The following C8orf34 variants were observed in gnomAD, a reference collection of about 807,000 sequenced individuals.
C8orf34 encodes chromosome 8 open reading frame 34, also known as uncharacterized protein C8orf34.
Under a neutral mutation model 68.3 loss-of-function variants are expected in C8orf34, and 65 were observed. The ratio of observed to expected loss-of-function variants is 0.95; its 90% CI spans 0.78 to 1.17. The LOEUF (loss-of-function observed/expected upper bound fraction) is 1.17. Among genes scored for constraint, C8orf34 ranks in the 50% most tolerant of loss-of-function variants. The pLI is 0.00. For synonymous variants in C8orf34, 244 were observed against 241.2 expected, an observed-to-expected ratio of 1.01 and a Z score of -0.11; for missense variants, 664 against 655.4, an observed-to-expected ratio of 1.01 and a Z score of -0.14.
intron 10 of C8orf34, among the ~76,000 whole-genome samples, chr8:68,774,944 TAAAAAAAA>T (rs1224756627): frequency 9.0e-5 from 4 of 44,682 alleles, no homozygotes; most frequent in Non-Finnish European, 1.1e-4. Flanking sequence ...CTGTCTCCAC[TAAAAAAAA>T]AAAAAAAAAA....
chr8:68,794,275 G>A lies in C8orf34; in HGVS notation c.1549+6739G>A, dbSNP rs573920640. ...AAACCTCTGCCTCCAGGGCTCAAGCGATCCTCCCACCTCAGCCTCCCAAGT... is the reference window on the plus strand; with the variant it reads ...AAACCTCTGCCTCCAGGGCTCAAGCAATCCTCCCACCTCAGCCTCCCAAGT... On this transcript the variant is annotated intron_variant, in intron 12 of 13. Transcript: ENST00000518698. Among the ~76,000 whole-genome samples the A allele has an allele frequency of 3.3e-5, 5 of 151,092 alleles. No homozygotes were observed. The South Asian group carries it at 6.3e-4, about 19-fold the overall frequency.
chr8:68,407,823 G>C (rs1211899971), intron 1 of C8orf34, among the ~76,000 whole-genome samples: 1 of 151,836 alleles, frequency 6.6e-6, no homozygotes, highest in Non-Finnish European at 1.5e-5. Flanking sequence ...TTATTACTCA[G>C]TCCTTCCACT....
intron 7 of C8orf34, among the ~76,000 whole-genome samples, chr8:68,560,944 C>CT (rs200031792): frequency 0.027 from 3,871 of 146,012 alleles, 79 homozygotes; most frequent in South Asian, 0.1. Context: ...CTTACTATAA[C>CT]TTTTTTTTTT....
intron 3 of C8orf34, among the ~76,000 whole-genome samples, chr8:68,459,316 G>T (rs146716610): frequency 6.6e-6 from 1 of 151,994 alleles, no homozygotes; most frequent in African/African-American, 2.4e-5. Context: ...TGCAACCTCC[G>T]TCTCCCAGGT....
At chr8:68,793,232 G>C (rs888113925) in intron 12 of C8orf34, among the ~76,000 whole-genome samples, 1 of 152,128 alleles carries the variant, frequency 6.6e-6, no homozygotes, top group East Asian at 1.9e-4. Context: ...TATAAAAATA[G>C]TAAAGTTAAA....
intron 8 of C8orf34, among the ~76,000 whole-genome samples, chr8:68,661,737 A>G (rs944922239): frequency 1.3e-5 from 2 of 151,982 alleles, no homozygotes; most frequent in Non-Finnish European, 2.9e-5. Flanking sequence ...CCCGTTGTGC[A>G]AGAACCCTTA....
At chr8:68,540,288 T>C (rs767987103) in intron 7 of C8orf34, among the ~76,000 whole-genome samples, 6 of 151,028 alleles carry the variant, frequency 4.0e-5, no homozygotes, top group Non-Finnish European at 8.8e-5. Context: ...CAGTTGAAGG[T>C]CTTATTTTAA....
rs549809787 is a variant in C8orf34, at chr8:68,719,715, A to G, written c.1328-1646A>G. 3.3e-5 allele frequency among the ~76,000 whole-genome samples: 5 copies of G among 152,072 alleles called. No individual in the cohort carries two copies. The East Asian group carries it at 9.7e-4, about 29-fold the overall frequency. ...TTGAGAACTTATTTATAGTATTTCT[A>G]ACTTTGAAAAAATTAGCAAATCCAT... On this transcript the variant is annotated intron_variant, in intron 9 of 13. Coordinates refer to ENST00000518698, the MANE Select transcript of C8orf34 (RefSeq NM_052958.4).
At chr8:68,439,731 T>A in intron 2 of C8orf34, 85 bp downstream of exon 2, 2 of 1,326,048 alleles carry the variant, frequency 1.5e-6, no homozygotes, top group Non-Finnish European at 2.1e-6. Flanking sequence ...ATAAGATAAA[T>A]CTAGATAGAT....
chr8:68,467,356 A>G (rs1035553607), intron 3 of C8orf34, among the ~76,000 whole-genome samples: 8 of 152,044 alleles, frequency 5.3e-5, no homozygotes, highest in African/African-American at 1.7e-4. Flanking sequence ...ACCCATCACT[A>G]ATGCTTTGCC....
intron 7 of C8orf34, among the ~76,000 whole-genome samples, chr8:68,536,364 A>AAAAAAAAAAAAAAAAAAAAG (rs1815473976): frequency 6.7e-6 from 1 of 149,384 alleles, no homozygotes; most frequent in African/African-American, 2.5e-5. Context: ...ATCTCAAAAA[A>AAAAAAAAAAAAAAAAAAAAG]AAAAAAAAAA....
chr8:68,543,553 A>G (rs73268431), intron 7 of C8orf34, among the ~76,000 whole-genome samples: 31,990 of 152,052 alleles, frequency 0.21, 4,616 homozygotes, highest in African/African-American at 0.41. Context: ...CATACAGTGG[A>G]TCAGGCAATA....
chr8:68,694,041 G>A (rs1218009351), intron 8 of C8orf34, among the ~76,000 whole-genome samples: 2 of 151,982 alleles, frequency 1.3e-5, no homozygotes, highest in South Asian at 2.1e-4. Context: ...TATTTGCTAC[G>A]TGGATGCTCC....
chr8:68,690,330 AG>A (rs1184151831), intron 8 of C8orf34, among the ~76,000 whole-genome samples: 4 of 152,186 alleles, frequency 2.6e-5, no homozygotes, highest in African/African-American at 9.6e-5. Flanking sequence ...AACTGGCATA[AG>A]AAAAATTAGC....
At chr8:68,595,697 G>A (rs1223097067) in intron 7 of C8orf34, among the ~76,000 whole-genome samples, 1 of 151,942 alleles carries the variant, frequency 6.6e-6, no homozygotes, top group Non-Finnish European at 1.5e-5. Flanking sequence ...CTCTTCACCT[G>A]AGACATCTAT....
In C8orf34 at chr8:68,548,376, T is replaced by C. The variant is rs560510634; in HGVS notation, c.1105+15227T>C. 1.8e-4 allele frequency among the ~76,000 whole-genome samples: 28 copies of C among 151,778 alleles called. No homozygotes were observed. In the South Asian group the frequency reaches 4.6e-3, roughly 25 times the overall value. On this transcript the variant is annotated intron_variant, in intron 7 of 13. Coordinates refer to ENST00000518698, the MANE Select transcript of C8orf34 (RefSeq NM_052958.4). Reference sequence around the variant, plus strand: ...AACCTAATTAAAATAGGCAAGGAAATGTAATAGGCACTTCTCAAAAGAGAT... The same window carrying C: ...AACCTAATTAAAATAGGCAAGGAAACGTAATAGGCACTTCTCAAAAGAGAT...
At chr8:68,639,166 T>G (rs1818931778) in intron 7 of C8orf34, among the ~76,000 whole-genome samples, 1 of 152,016 alleles carries the variant, frequency 6.6e-6, no homozygotes, top group Non-Finnish European at 1.5e-5. Context: ...AAGCACCAGG[T>G]TTTGAATTGG....
At chr8:68,748,498 G>A (rs558748682) in intron 10 of C8orf34, among the ~76,000 whole-genome samples, 3,849 of 151,552 alleles carry the variant, frequency 0.025, 148 homozygotes, top group African/African-American at 0.084. Context: ...CTGACAAAGG[G>A]CTAATATCCA....
intron 7 of C8orf34, among the ~76,000 whole-genome samples, chr8:68,627,062 C>A (rs2130673192): frequency 6.6e-6 from 1 of 152,078 alleles, no homozygotes; most frequent in South Asian, 2.1e-4. Context: ...CAGTGTTTTT[C>A]ATATTTGAAA....
Sources: allele counts gnomAD v4.1 joint callset (sites outside exome capture counted in the v4.1 genomes callset), GRCh38; gene constraint gnomAD v4.1.1; transcripts MANE v1.5; gene names NCBI Gene and HGNC (gene_info 2026-07-23, HGNC 2026-07-21).